Variants in ATPAF2 observed in about 807,000 individuals in gnomAD.
ATPAF2 encodes ATP synthase mitochondrial F1 complex assembly factor 2.
ATPAF2 carries 30 observed loss-of-function variants against 36.6 expected under a neutral mutation model. The ratio of observed to expected loss-of-function variants is 0.82; its 90% CI spans 0.61 to 1.11. The LOEUF (loss-of-function observed/expected upper bound fraction) is 1.11, where lower values mean the gene tolerates loss of function less well. ATPAF2 is among the 50% of genes most tolerant of loss of function. The probability of loss-of-function intolerance (pLI) is 0.00; values close to 1 mark genes in which losing one functional copy is unlikely to be tolerated. For missense variants in ATPAF2, 321 were observed against 372.3 expected (o/e 0.86, Z 1.13); for synonymous variants, 140 against 152.6 (o/e 0.92, Z 0.61).
chr17:18,016,608 T>A (rs1248283570), downstream of ATPAF2: 1 of 1,613,740 alleles, frequency 6.2e-7, no homozygotes, highest in Non-Finnish European at 8.5e-7. Context: ...AGGAGATCAA[T>A]CAGTACATCG....
chr17:18,036,472 A>G (rs2044704934), intron 1 of ATPAF2, among the ~76,000 whole-genome samples: 1 of 151,910 alleles, frequency 6.6e-6, no homozygotes, highest in Non-Finnish European at 1.5e-5. Context: ...GCTACTCGGG[A>G]CGCTGAGGCA....
At chr17:18,020,958 G>C in intron 7 of ATPAF2, 165 bp downstream of exon 7, 1 of 1,431,978 alleles carries the variant, frequency 7.0e-7, no homozygotes, top group Non-Finnish European at 9.2e-7. Flanking sequence ...ACCATGCCAG[G>C]CCTACTTGAC....
chr17:18,034,882 A>G (rs939807363), intron 1 of ATPAF2, among the ~76,000 whole-genome samples: 7 of 152,250 alleles, frequency 4.6e-5, no homozygotes, highest in Non-Finnish European at 8.8e-5. Flanking sequence ...TACACATACA[A>G]TGGAATATTG....
chr17:18,019,961 G>A (rs552877779), intron 7 of ATPAF2, among the ~76,000 whole-genome samples: 1 of 152,290 alleles, frequency 6.6e-6, no homozygotes, highest in African/African-American at 2.4e-5. Flanking sequence ...AGCCCTACAA[G>A]TCACCCCCTT....
chr17:18,017,435 G>A (rs2044400281), downstream of ATPAF2, among the ~76,000 whole-genome samples: 4 of 152,234 alleles, frequency 2.6e-5, no homozygotes, highest in African/African-American at 9.6e-5. Context: ...CTGAGGGGCA[G>A]GGAAGCAGGA....
chr17:18,028,580 A>AG, intron 2 of ATPAF2, 35 bp downstream of exon 2: 1 of 1,603,816 alleles, frequency 6.2e-7, no homozygotes, highest in East Asian at 2.2e-5. Flanking sequence ...CAAAAAAAAA[A>AG]AAAAAAAGAG....
chr17:18,025,183 C>T, intron 4 of ATPAF2: 1 of 275,142 alleles, frequency 3.6e-6, no homozygotes, highest in Non-Finnish European at 7.1e-6. Flanking sequence ...CTACCCTCAC[C>T]CCCTCCAAGA....
intron 1 of ATPAF2, among the ~76,000 whole-genome samples, chr17:18,029,731 C>T (rs1456821530): frequency 6.6e-6 from 1 of 151,902 alleles, no homozygotes. Flanking sequence ...GCTGGGATTA[C>T]AGGCATGCGC....
intron 5 of ATPAF2, among the ~76,000 whole-genome samples, chr17:18,023,664 A>C (rs2044503177): frequency 6.6e-6 from 1 of 152,230 alleles, no homozygotes; most frequent in Admixed American, 6.5e-5. Flanking sequence ...TGGTCTTTAG[A>C]GCACTGCCTT....
At chr17:18,025,107 G>A in intron 4 of ATPAF2, 2 of 330,576 alleles carry the variant, frequency 6.1e-6, no homozygotes, top group African/African-American at 2.2e-5. Context: ...TGCAACCCTG[G>A]GTCCACACCC....
At chr17:18,016,268 G>A (rs943509685), downstream of ATPAF2, 4 of 1,488,274 alleles carry the variant, frequency 2.7e-6, no homozygotes, top group African/African-American at 2.8e-5. Flanking sequence ...TCCCTAGGTA[G>A]TGGATAGAAT....
intron 1 of ATPAF2, among the ~76,000 whole-genome samples, chr17:18,032,126 C>G (rs2044645377): frequency 6.6e-6 from 1 of 152,202 alleles, no homozygotes; most frequent in Non-Finnish European, 1.5e-5. Context: ...TGACTCAACA[C>G]TGGGGAAAGG....
Position 18,028,453 on chromosome 17 carries a change from G to A in ATPAF2, c.179-76C>T. On this transcript the variant is annotated intron_variant, in intron 2 of 7. Coordinates refer to ENST00000474627, the MANE Select transcript of ATPAF2 (RefSeq NM_145691.4). ...TGACCATTCCTATATTTAGCCACTT[G>A]AATTGGTGCAGACAAAGCCAACTCT... 1.9e-6 allele frequency: 3 copies of A among 1,589,008 alleles called. No individual in the cohort carries two copies. In the South Asian group the frequency reaches 3.3e-5, roughly 18 times the overall value.
rs1567576191 is a variant in ATPAF2 at position 18,028,220 on chromosome 17, T to C, written c.324+12A>G. 2 of 1,614,174 alleles carry C rather than the reference T, an allele frequency of 1.2e-6. No individual in the cohort carries two copies. Among genetic ancestry groups the C allele is most frequent in the Admixed American group, 3.3e-5 (2 of 60,022 alleles). On this transcript the variant is annotated intron_variant, in intron 3 of 7. Transcript: ENST00000474627. Reference sequence around the variant, plus strand: ...GGTCTCAGGGTCCAGGTTCACACTGTGAACTTGTTACCAGGTGCATGGTGT... The same window carrying C: ...GGTCTCAGGGTCCAGGTTCACACTGCGAACTTGTTACCAGGTGCATGGTGT...
chr17:18,033,361 C>CAAAAAAA (rs200896637), intron 1 of ATPAF2, among the ~76,000 whole-genome samples: 1 of 64,518 alleles, frequency 1.5e-5, no homozygotes. Flanking sequence ...GACTCTGTCT[C>CAAAAAAA]AAAAAAAAAA....
At chr17:18,027,487 A>ATCATC (rs2044564824) in intron 3 of ATPAF2, among the ~76,000 whole-genome samples, 1 of 152,146 alleles carries the variant, frequency 6.6e-6, no homozygotes, top group East Asian at 1.9e-4. Context: ...GCTTTCTTGC[A>ATCATC]TCATCTCATC....
chr17:18,019,186 C>CACACACACACAG (rs71155310), intron 7 of ATPAF2, among the ~76,000 whole-genome samples: 1 of 147,038 alleles, frequency 6.8e-6, no homozygotes, highest in Non-Finnish European at 1.5e-5. Flanking sequence ...CACACACACA[C>CACACACACACAG]CCCACCACCC....
intron 1 of ATPAF2, among the ~76,000 whole-genome samples, chr17:18,032,963 G>A (rs1266879148): frequency 6.6e-6 from 1 of 151,872 alleles, no homozygotes; most frequent in Admixed American, 6.6e-5. Context: ...GAAGGAGAAT[G>A]CAAGATTCTC....
downstream of ATPAF2, chr17:18,016,063 G>A: frequency 6.2e-7 from 1 of 1,613,296 alleles, no homozygotes; most frequent in Non-Finnish European, 8.5e-7. Context: ...TCACTCACCA[G>A]CTTTTTGTCG....
Sources: gnomAD v4.1 joint callset for allele counts (sites outside exome capture counted in the v4.1 genomes callset) on GRCh38, gnomAD v4.1.1 for gene constraint, MANE v1.5 for transcripts, NCBI Gene and HGNC (gene_info 2026-07-23, HGNC 2026-07-21) for gene names.